EXTL3: variants seen among roughly 807,000 people sequenced by gnomAD.
EXTL3 encodes the protein exostosin-like 3.
A neutral mutation model predicts 69.3 loss-of-function variants in EXTL3; 27 were observed. That is an observed-to-expected ratio of 0.39 (90% CI 0.29 to 0.54). The LOEUF is 0.54. Among genes scored for constraint, EXTL3 ranks in the 20% least tolerant of loss-of-function variants. The pLI is 0.69. For synonymous variants in EXTL3, 511 were observed against 499.4 expected (o/e 1.02, Z -0.31); for missense variants, 1,003 against 1,231.8 (o/e 0.81, Z 2.78).
At chr8:28,734,584 C>T (rs761206995) in intron 4 of EXTL3, among the ~76,000 whole-genome samples, 1 of 152,144 alleles carries the variant, frequency 6.6e-6, no homozygotes, top group Non-Finnish European at 1.5e-5. Context: ...TGTTGGCGTG[C>T]GCCTGTAATC....
chr8:28,679,476 G>A (rs552251598), intron 1 of EXTL3, among the ~76,000 whole-genome samples: 1 of 152,206 alleles, frequency 6.6e-6, no homozygotes, highest in East Asian at 1.9e-4. Context: ...GGTGGCTCAT[G>A]CTTATAATTC....
At chr8:28,671,137 C>T (rs375656022) in intron 1 of EXTL3, among the ~76,000 whole-genome samples, 1 of 151,768 alleles carries the variant, frequency 6.6e-6, no homozygotes, top group Admixed American at 6.6e-5. Context: ...TGTGCTACCA[C>T]GCCCAGCTAA....
intron 1 of EXTL3, among the ~76,000 whole-genome samples, chr8:28,692,487 A>G (rs73566898): frequency 0.011 from 1,730 of 152,336 alleles, 34 homozygotes; most frequent in African/African-American, 0.039. Flanking sequence ...ATCTTCATAA[A>G]TTGGTTTAAA....
chr8:28,629,595 C>T (rs1385129196), intron 1 of EXTL3, among the ~76,000 whole-genome samples: 3 of 151,844 alleles, frequency 2.0e-5, no homozygotes, highest in Non-Finnish European at 2.9e-5. Flanking sequence ...TGGGGCCCCT[C>T]GGGAATAGGT....
rs146574660 is a variant in EXTL3, at chr8:28,679,352, G to A, written c.-52-34105G>A. ...TCCCAGCTACTCGGGAGGCTAAGGC[G>A]GGAGAATCGCTTGAACCTGGGAGGC... On this transcript the variant is annotated intron_variant, in intron 1 of 6. Transcript: ENST00000523149. Among the ~76,000 whole-genome samples, 975 of 152,242 alleles carry A rather than the reference G, an allele frequency of 6.4e-3. 18 individuals carry two copies. Among genetic ancestry groups the A allele is most frequent in the African/African-American group, 0.022 (931 of 41,542 alleles).
Position 28,716,149 on chromosome 8 carries a change from G to A in EXTL3, c.90G>A (p.Thr30=), listed in dbSNP as rs777547112. 3 of 1,613,948 alleles carry A rather than the reference G, an allele frequency of 1.9e-6. No homozygotes were observed. The highest frequency in any genetic ancestry group is 2.2e-5 in the East Asian group (1 of 44,886). The stretch of plus-strand genomic sequence containing the variant: ...GCTGGTCCAACCGCATCCGCCTCAC[G>A]TGGCTCAGCTTCACGCTCTTTGTCA... ...MLRWSNRIRL[T]WLSFTLFVIL... The change falls in exon 3 of 7, where the codon ACG becomes ACA. Residue 30 remains threonine, a synonymous_variant. Coordinates refer to ENST00000220562, the MANE Select transcript of EXTL3 (RefSeq NM_001440.4). This position sits in a 1 kb window ranked among gnomAD's most constrained non-coding sequence, Gnocchi z 7.1.
chr8:28,687,425 C>T (rs991889702), intron 1 of EXTL3, among the ~76,000 whole-genome samples: 1 of 152,144 alleles, frequency 6.6e-6, no homozygotes, highest in Non-Finnish European at 1.5e-5. Flanking sequence ...GAGATCACAC[C>T]ACTGCACTCC....
At position 28,750,696 on chromosome 8, in the gene EXTL3, C is replaced by G. The variant is rs765253435; in HGVS notation, c.2590C>G (p.Gln864Glu). 2 of 1,614,188 alleles carry G rather than the reference C, an allele frequency of 1.2e-6. No individual in the cohort carries two copies. Among genetic ancestry groups the G allele is most frequent in the Non-Finnish European group, 1.7e-6 (2 of 1,180,038 alleles). Residue 864 changes from glutamine to glutamate, a missense_variant, in exon 7 of 7, where the codon CAG becomes GAG. Coordinates refer to ENST00000220562, the MANE Select transcript of EXTL3 (RefSeq NM_001440.4). This position sits in a 1 kb window ranked among gnomAD's most constrained non-coding sequence, Gnocchi z 5.2. ...GACATTCCGATGCCCAGGATGCCCT[C>G]AGGCCCTGTCTCATGATGACTCCCA... ...RWTFRCPGCP[Q>E]ALSHDDSHFH...
chr8:28,637,643 A>C (rs1473687717), intron 1 of EXTL3, among the ~76,000 whole-genome samples: 1 of 142,140 alleles, frequency 7.0e-6, no homozygotes, highest in Non-Finnish European at 1.6e-5. Context: ...GAAAAAAAAA[A>C]CAATCAATCT....
chr8:28,717,383 G>C lies in EXTL3; in HGVS notation c.1324G>C (p.Val442Leu), dbSNP rs116659770. ...LIITPGDPRLVISSGCATRLF... is the reference protein window; with the variant it reads ...LIITPGDPRLLISSGCATRLF... ...CATTACCCCCGGGGACCCTCGCTTG[G>C]TTATTTCCTCTGGGTGTGCAACACG... The change falls in exon 3 of 7, where the codon GTT (valine) becomes CTT (leucine). Residue 442 changes from valine (V) to leucine (L), a missense_variant. Physicochemically the swap from Val to Leu is conservative, Grantham distance 32. Coordinates refer to ENST00000220562, the MANE Select transcript of EXTL3 (RefSeq NM_001440.4). This position sits in a 1 kb window ranked among gnomAD's most constrained non-coding sequence, Gnocchi z 8.3. 2.5e-3 allele frequency: 3,962 copies of C among 1,614,190 alleles called. 85 individuals carry two copies. In the African/African-American group the frequency reaches 0.044, roughly 18 times the overall value.
At chr8:28,624,420 C>T (rs935429550) in intron 1 of EXTL3, among the ~76,000 whole-genome samples, 5 of 151,878 alleles carry the variant, frequency 3.3e-5, no homozygotes, top group Admixed American at 6.6e-5. Context: ...AAAAATTAGC[C>T]GGCATGGTAG....
intron 1 of EXTL3, among the ~76,000 whole-genome samples, chr8:28,661,475 C>T (rs1807114345): frequency 6.6e-6 from 1 of 151,838 alleles, no homozygotes; most frequent in Admixed American, 6.6e-5. Context: ...TCTAAATACA[C>T]ATACCTAAAT....
At chr8:28,740,979 A>C (rs1006605825) in intron 5 of EXTL3, 3 of 151,628 alleles carry the variant, frequency 2.0e-5, no homozygotes, top group Non-Finnish European at 4.4e-5. Flanking sequence ...TTTGAGATGG[A>C]GTCTTCTCGC....
At chr8:28,619,812 C>A (rs568552441), upstream of EXTL3, among the ~76,000 whole-genome samples, 1 of 138,998 alleles carries the variant, frequency 7.2e-6, no homozygotes, top group South Asian at 2.3e-4. Flanking sequence ...AGCTGTCATC[C>A]GTATCCGTAC....
intron 1 of EXTL3, among the ~76,000 whole-genome samples, chr8:28,684,801 G>A (rs1211265194): frequency 6.6e-6 from 1 of 152,114 alleles, no homozygotes; most frequent in Non-Finnish European, 1.5e-5. Flanking sequence ...CAGAAAAGTT[G>A]TAAAAGTGGT....
At chr8:28,682,262 T>C (rs984590409) in intron 1 of EXTL3, among the ~76,000 whole-genome samples, 3 of 152,204 alleles carry the variant, frequency 2.0e-5, no homozygotes, top group Non-Finnish European at 2.9e-5. Flanking sequence ...TTGAGAAATA[T>C]CTGTTCAGGT....
chr8:28,614,200 C>T (rs1180265240), intron 2 of EXTL3, among the ~76,000 whole-genome samples: 2 of 147,308 alleles, frequency 1.4e-5, no homozygotes, highest in Non-Finnish European at 3.0e-5. Flanking sequence ...TATTGATTTT[C>T]TGTTTTCAGT....
At chr8:28,634,777 G>A (rs1319496941) in intron 1 of EXTL3, among the ~76,000 whole-genome samples, 2 of 152,030 alleles carry the variant, frequency 1.3e-5, no homozygotes, top group Non-Finnish European at 2.9e-5. Context: ...TGTATTTTTA[G>A]TAGAGACGGG....
intron 6 of EXTL3, chr8:28,743,941 A>G (rs1375815483): frequency 6.6e-6 from 1 of 152,454 alleles, no homozygotes; most frequent in Non-Finnish European, 1.5e-5. Context: ...AACCAAAAAT[A>G]CCCTCAGAAT....
Sources: gnomAD v4.1 joint callset for allele counts (sites outside exome capture counted in the v4.1 genomes callset) on GRCh38, gnomAD v4.1.1 for gene constraint, Gnocchi (gnomAD v3.1) non-coding constraint, MANE v1.5 for transcripts, NCBI Gene and HGNC (gene_info 2026-07-23, HGNC 2026-07-21) for gene names.